ZNF420: variants seen among roughly 807,000 people sequenced by gnomAD.
The protein encoded by ZNF420 is zinc finger protein 420, also known as ATM and p53-associated KZNF protein.
Under a neutral mutation model 44.7 loss-of-function variants are expected in ZNF420, and 31 were observed. The observed-to-expected ratio is 0.69, with a 90% CI of 0.52 to 0.94. The LOEUF (loss-of-function observed/expected upper bound fraction) is 0.94. Ranked by LOEUF, ZNF420 falls within the 40% of genes least tolerant of loss-of-function variation. The pLI, the probability that ZNF420 is intolerant of heterozygous loss-of-function variation, is 0.00. For missense variants in ZNF420, 681 were observed against 827.9 expected (o/e 0.82, Z 2.18); for synonymous variants, 245 against 267.4 (o/e 0.92, Z 0.82).
At chr19:37,013,914 G>T (rs1013662506) in intron 1 of ZNF420, among the ~76,000 whole-genome samples, 10 of 152,204 alleles carry the variant, frequency 6.6e-5, no homozygotes, top group African/African-American at 2.4e-4. Flanking sequence ...CAGATGTAGT[G>T]AGCGTGTATC....
intron 1 of ZNF420, among the ~76,000 whole-genome samples, chr19:37,051,407 T>C (rs1207947043): frequency 1.3e-5 from 2 of 152,204 alleles, no homozygotes; most frequent in Non-Finnish European, 2.9e-5. Context: ...ATCCTGTTAT[T>C]GGTCTATTCA....
intron 1 of ZNF420, among the ~76,000 whole-genome samples, chr19:37,010,974 G>A (rs1438605292): frequency 2.0e-5 from 3 of 152,136 alleles, no homozygotes; most frequent in African/African-American, 7.2e-5. Flanking sequence ...TCAAGAAGCT[G>A]GGAATGGGAC....
At chr19:37,109,109 A>G (rs1451184561) in intron 4 of ZNF420, among the ~76,000 whole-genome samples, 1 of 152,216 alleles carries the variant, frequency 6.6e-6, no homozygotes, top group African/African-American at 2.4e-5. Context: ...AAGTACTTCT[A>G]CCAACCAATT....
intron 1 of ZNF420, among the ~76,000 whole-genome samples, chr19:37,064,139 T>G (rs750376728): frequency 7.2e-5 from 11 of 152,190 alleles, no homozygotes; most frequent in African/African-American, 2.4e-5. Context: ...TAATACTCCT[T>G]GATGAAAGAG....
chr19:37,118,978 G>C (rs968444236), intron 4 of ZNF420, among the ~76,000 whole-genome samples: 1 of 152,182 alleles, frequency 6.6e-6, no homozygotes, highest in East Asian at 1.9e-4. Flanking sequence ...AGCAAGTCCT[G>C]AGTGACCTAC....
At chr19:37,091,414 C>T (rs557810424) in intron 4 of ZNF420, 10 of 197,462 alleles carry the variant, frequency 5.1e-5, no homozygotes, top group Admixed American at 3.3e-4. Flanking sequence ...CATTGTTACA[C>T]TTTAGATCTG....
At position 37,039,427 on chromosome 19, in the gene ZNF420, C is replaced by T. The variant is rs554886154; in HGVS notation, c.-125+31345C>T. Among the ~76,000 whole-genome samples the T allele has an allele frequency of 2.2e-4, 34 of 152,258 alleles. No individual in the cohort carries two copies. The South Asian group carries it at 6.4e-3, about 29-fold the overall frequency. ...CAGCATTCATTTCCCTGTACATCTC[C>T]GTTAGAGCTCTTGGGTGACCAGGTA... On this transcript the variant is annotated intron_variant, in intron 1 of 4. Transcript: ENST00000587029.
intron 1 of ZNF420, among the ~76,000 whole-genome samples, chr19:37,072,508 C>A (rs959336598): frequency 1.3e-5 from 2 of 152,168 alleles, no homozygotes; most frequent in Non-Finnish European, 2.9e-5. Context: ...CAGATAGATT[C>A]TTCTAGTTTC....
rs1969913561 is a variant in ZNF420 at position 37,103,850 on chromosome 19, A to G, written c.136+12729A>G. On this transcript the variant is annotated intron_variant, in intron 4 of 4. Transcript: ENST00000337995. ...TTTCTTCTATCTTAAAAGGAAAAAAAACAAAACCAAATATTTTGACACACA... is the reference window on the plus strand; with the variant it reads ...TTTCTTCTATCTTAAAAGGAAAAAAGACAAAACCAAATATTTTGACACACA... Among the ~76,000 whole-genome samples, 5 of 152,212 alleles carry G rather than the reference A, an allele frequency of 3.3e-5. 1 individual carries two copies. The South Asian group carries it at 1.0e-3, about 31-fold the overall frequency.
At chr19:37,115,472 T>C (rs1394839850) in intron 4 of ZNF420, among the ~76,000 whole-genome samples, 2 of 151,296 alleles carry the variant, frequency 1.3e-5, no homozygotes, top group African/African-American at 4.9e-5. Flanking sequence ...TGAACAGAGG[T>C]CTTTGTGTCA....
At chr19:37,110,900 G>C (rs1970353123) in intron 4 of ZNF420, among the ~76,000 whole-genome samples, 1 of 152,112 alleles carries the variant, frequency 6.6e-6, no homozygotes, top group African/African-American at 2.4e-5. Context: ...TTGTTTTTGG[G>C]TAATGATTAT....
At chr19:37,067,516 T>C (rs1467285400) in intron 1 of ZNF420, among the ~76,000 whole-genome samples, 2 of 152,222 alleles carry the variant, frequency 1.3e-5, no homozygotes, top group Non-Finnish European at 2.9e-5. Flanking sequence ...AGATAGCGAA[T>C]GTATGGGTAT....
chr19:37,055,035 T>C lies in ZNF420; in HGVS notation c.-124-25310T>C, dbSNP rs577835729. Among the ~76,000 whole-genome samples the C allele has an allele frequency of 9.8e-5, 15 of 152,296 alleles. 1 individual carries two copies. In the South Asian group the frequency reaches 2.9e-3, roughly 29 times the overall value. The stretch of plus-strand genomic sequence containing the variant: ...AAAAGAGACATAAAGAGCAAAAAGT[T>C]ATAAAATAAGTGGGACTAATATCTG... On this transcript the variant is annotated intron_variant, in intron 1 of 4. Transcript: ENST00000587029.
At chr19:37,085,490 C>G (rs759020626) in intron 2 of ZNF420, among the ~76,000 whole-genome samples, 14 of 152,178 alleles carry the variant, frequency 9.2e-5, no homozygotes, top group Non-Finnish European at 8.8e-5. Flanking sequence ...GGCCTCCCCG[C>G]AGCAGACTTG....
intron 1 of ZNF420, among the ~76,000 whole-genome samples, chr19:37,032,036 C>A (rs1389030178): frequency 6.6e-6 from 1 of 151,892 alleles, no homozygotes; most frequent in Non-Finnish European, 1.5e-5. Context: ...CATGGTGAAA[C>A]CCCATCTCTA....
intron 1 of ZNF420, among the ~76,000 whole-genome samples, chr19:37,010,972 C>G (rs1417540657): frequency 6.6e-6 from 1 of 152,140 alleles, no homozygotes; most frequent in Non-Finnish European, 1.5e-5. Context: ...CTTCAAGAAG[C>G]TGGGAATGGG....
rs574719502 is a variant in ZNF420 at position 37,063,308 on chromosome 19, C to T, written c.-124-17037C>T. 1.6e-4 allele frequency among the ~76,000 whole-genome samples: 24 copies of T among 152,256 alleles called. 2 individuals carry two copies. The South Asian group carries it at 3.9e-3, about 25-fold the overall frequency. ...CCTGAGAAACAGAAAGAGCTGGAGTCCTTTAAAAAATTAACTGCCTGTTTT... is the reference window on the plus strand; with the variant it reads ...CCTGAGAAACAGAAAGAGCTGGAGTTCTTTAAAAAATTAACTGCCTGTTTT... On this transcript the variant is annotated intron_variant, in intron 1 of 4. Coordinates refer to the ZNF420 transcript ENST00000587029.
chr19:37,044,304 G>T (rs1350145003), intron 1 of ZNF420, among the ~76,000 whole-genome samples: 1 of 152,156 alleles, frequency 6.6e-6, no homozygotes, highest in East Asian at 1.9e-4. Flanking sequence ...ATCACTTGAG[G>T]CCAGGAGTTC....
At position 37,127,431 on chromosome 19, in the gene ZNF420, C is replaced by T. The variant is rs1241647120; in HGVS notation, c.440C>T (p.Ala147Val). 2 of 1,613,930 alleles carry T rather than the reference C, an allele frequency of 1.2e-6. No homozygotes were observed. Among genetic ancestry groups the T allele is most frequent in the African/African-American group, 1.3e-5 (1 of 74,920 alleles). The part of the protein sequence containing the change: ...KPYKCKECGK[A>V]FRRASHLTQH... ...TATAAATGTAAGGAATGTGGGAAAG[C>T]CTTCAGACGAGCCTCACACCTAACA... Residue 147 changes from alanine (A) to valine (V), a missense_variant, in exon 5 of 5, where the codon GCC becomes GTC. Around this residue, in one of 3 missense-constraint regions of ZNF420, gnomAD observed 350 missense variants for 382.5 expected, o/e 0.92. Transcript: ENST00000337995.
Sources: allele counts gnomAD v4.1 joint callset (sites outside exome capture counted in the v4.1 genomes callset), GRCh38; gene constraint gnomAD v4.1.1; regional missense constraint gnomAD v4.1.1; transcripts MANE v1.5; gene names NCBI Gene and HGNC (gene_info 2026-07-23, HGNC 2026-07-21).